ZFHX3: variants seen among roughly 807,000 people sequenced by gnomAD.
ZFHX3 encodes zinc finger homeobox protein 3.
In ZFHX3, 42 loss-of-function variants were observed where a neutral mutation model predicts 279.1. The observed-to-expected ratio is 0.15, with a 90% CI of 0.12 to 0.19. The LOEUF is 0.19. Among genes scored for constraint, ZFHX3 ranks in the 10% least tolerant of loss-of-function variants. ZFHX3 has a pLI of 1.00. For synonymous variants in ZFHX3, 2,293 were observed against 1,957.8 expected (o/e 1.17, Z -4.52); for missense variants, 4,981 against 4,754.0 (o/e 1.05, Z -1.40).
intron 2 of ZFHX3, among the ~76,000 whole-genome samples, chr16:73,542,902 T>C (rs16972157): frequency 0.18 from 26,754 of 152,074 alleles, 2,587 homozygotes; most frequent in African/African-American, 0.26. Context: ...GGAACTTCAC[T>C]CTGTTGTGTA....
intron 4 of ZFHX3, among the ~76,000 whole-genome samples, chr16:73,284,784 C>T (rs1273923470): frequency 6.6e-6 from 1 of 152,200 alleles, no homozygotes; most frequent in African/African-American, 2.4e-5. Flanking sequence ...ATGACCAACA[C>T]TGAAATGAAT....
intron 2 of ZFHX3, among the ~76,000 whole-genome samples, chr16:73,667,978 C>A (rs967478803): frequency 6.6e-6 from 1 of 152,192 alleles, no homozygotes; most frequent in Non-Finnish European, 1.5e-5. Context: ...CTTACAATTC[C>A]TCATTTAAAG....
At chr16:73,515,604 G>T (rs1484585323) in intron 2 of ZFHX3, among the ~76,000 whole-genome samples, 1 of 151,838 alleles carries the variant, frequency 6.6e-6, no homozygotes, top group Non-Finnish European at 1.5e-5. Flanking sequence ...GGAAGAGAGG[G>T]AGAGAAAGAG....
At chr16:72,866,713 G>T (rs1164791469) in intron 4 of ZFHX3, among the ~76,000 whole-genome samples, 1 of 152,150 alleles carries the variant, frequency 6.6e-6, no homozygotes, top group African/African-American at 2.4e-5. Flanking sequence ...TAAGTAGAAT[G>T]TCCAAGGACA....
intron 5 of ZFHX3, among the ~76,000 whole-genome samples, chr16:73,164,284 C>A (rs1967307968): frequency 6.6e-6 from 1 of 152,156 alleles, no homozygotes; most frequent in Non-Finnish European, 1.5e-5. Flanking sequence ...TGTTTAAATC[C>A]TGCAAAGCAA....
intron 4 of ZFHX3, among the ~76,000 whole-genome samples, chr16:72,879,545 C>T (rs2038407659): frequency 6.6e-6 from 1 of 152,178 alleles, no homozygotes; most frequent in Non-Finnish European, 1.5e-5. Context: ...CCTGCCTCAG[C>T]CTCCCGAGAA....
At chr16:73,874,156 T>C (rs1486611283) in intron 1 of ZFHX3, among the ~76,000 whole-genome samples, 1 of 152,160 alleles carries the variant, frequency 6.6e-6, no homozygotes, top group African/African-American at 2.4e-5. Context: ...CATTTTTAAG[T>C]GTAGGTGTAC....
intron 3 of ZFHX3, among the ~76,000 whole-genome samples, chr16:72,922,932 G>A (rs2039618160): frequency 6.6e-6 from 1 of 152,056 alleles, no homozygotes; most frequent in Non-Finnish European, 1.5e-5. Context: ...TCAGATTAGA[G>A]CACTAAGTCC....
intron 3 of ZFHX3, among the ~76,000 whole-genome samples, chr16:73,427,622 G>T (rs1374927369): frequency 1.3e-5 from 2 of 152,168 alleles, no homozygotes; most frequent in African/African-American, 2.4e-5. Flanking sequence ...AGCAGCAACA[G>T]TAGCCACTGA....
At chr16:73,075,868 G>T (rs1006030166) in intron 8 of ZFHX3, among the ~76,000 whole-genome samples, 16 of 152,198 alleles carry the variant, frequency 1.1e-4, no homozygotes, top group Admixed American at 1.0e-3. Flanking sequence ...CTGACCTCGT[G>T]ATGCGCCTGC....
intron 1 of ZFHX3, among the ~76,000 whole-genome samples, chr16:73,684,941 C>T (rs1373027915): frequency 3.9e-5 from 6 of 151,960 alleles, no homozygotes; most frequent in South Asian, 2.1e-4. Context: ...CCTCATGATC[C>T]GCCCACCTCA....
At chr16:73,273,322 T>C (rs8063795) in intron 4 of ZFHX3, among the ~76,000 whole-genome samples, 24,186 of 152,118 alleles carry the variant, frequency 0.16, 3,810 homozygotes, top group African/African-American at 0.41. Flanking sequence ...ACCAAAAACC[T>C]ACAATCAAAA....
chr16:73,807,650 T>G (rs1597124681), intron 1 of ZFHX3, among the ~76,000 whole-genome samples: 1 of 117,142 alleles, frequency 8.5e-6, no homozygotes, highest in African/African-American at 3.5e-5. Context: ...TTTTTTTTTT[T>G]GGTAGAGGCA....
chr16:73,289,772 G>A (rs949703041), intron 4 of ZFHX3, among the ~76,000 whole-genome samples: 3 of 152,104 alleles, frequency 2.0e-5, no homozygotes, highest in Non-Finnish European at 4.4e-5. Context: ...GGGAGCAGGA[G>A]ACCCTACCAG....
intron 1 of ZFHX3, among the ~76,000 whole-genome samples, chr16:73,884,606 C>A (rs1357225115): frequency 6.6e-6 from 1 of 152,164 alleles, no homozygotes; most frequent in Non-Finnish European, 1.5e-5. Context: ...GATGACTATT[C>A]CCGAAATGAC....
intron 5 of ZFHX3, among the ~76,000 whole-genome samples, chr16:73,207,647 A>T (rs2011859201): frequency 6.6e-6 from 1 of 152,212 alleles, no homozygotes; most frequent in South Asian, 2.1e-4. Context: ...GCCAGCAAAT[A>T]ATATTTGGGA....
rs144601815 is a variant in ZFHX3 at position 73,358,738 on chromosome 16, T to G, written c.-1290-40402A>C. On this transcript the variant is annotated intron_variant, in intron 3 of 17. Transcript: ENST00000641206. Reference sequence around the variant, plus strand: ...AGATATGGACTGTAAAACAACTCTGTGTCCAGCTATGGGAGGCACAATGGC... The same window carrying G: ...AGATATGGACTGTAAAACAACTCTGGGTCCAGCTATGGGAGGCACAATGGC... Among the ~76,000 whole-genome samples the G allele has an allele frequency of 2.1e-3, 327 of 152,306 alleles. 1 individual carries two copies. Among genetic ancestry groups the G allele is most frequent in the African/African-American group, 7.5e-3 (311 of 41,574 alleles).
chr16:73,413,426 C>A (rs545823966), intron 3 of ZFHX3, among the ~76,000 whole-genome samples: 48 of 152,242 alleles, frequency 3.2e-4, no homozygotes, highest in Admixed American at 1.1e-3. Context: ...GGGCACCTTG[C>A]GGAAGGACTG....
rs182491076 is a variant in ZFHX3 at position 73,649,346 on chromosome 16, C to T, written c.-1547+30834G>A. Among the ~76,000 whole-genome samples the T allele has an allele frequency of 3.2e-4, 48 of 152,272 alleles. 1 individual carries two copies. In the East Asian group the frequency reaches 4.2e-3, roughly 13 times the overall value. On this transcript the variant is annotated intron_variant, in intron 2 of 17. Transcript: ENST00000641206. ...TCAATCTCTATTGTTCTCTACTCAACATGTAATCATCATTAAGGCATGTGA... is the reference window on the plus strand; with the variant it reads ...TCAATCTCTATTGTTCTCTACTCAATATGTAATCATCATTAAGGCATGTGA...
Sources: gnomAD v4.1 joint callset for allele counts (sites outside exome capture counted in the v4.1 genomes callset) on GRCh38, gnomAD v4.1.1 for gene constraint, MANE v1.5 for transcripts, NCBI Gene and HGNC (gene_info 2026-07-23, HGNC 2026-07-21) for gene names.